The following MBD5 variants were observed in gnomAD, a reference collection of about 807,000 sequenced individuals.
MBD5 encodes methyl-CpG binding domain protein 5.
Under a neutral mutation model 117.3 loss-of-function variants are expected in MBD5, and 13 were observed. That is an observed-to-expected ratio of 0.11 (90% CI 0.07 to 0.18). MBD5 has a LOEUF of 0.18. Ranked by LOEUF, MBD5 falls within the 10% of genes least tolerant of loss-of-function variation. The probability of loss-of-function intolerance (pLI) is 1.00; values close to 1 mark genes in which losing one functional copy is unlikely to be tolerated. For missense variants in MBD5, 1,879 were observed against 2,093.8 expected, an observed-to-expected ratio of 0.90 and a Z score of 2.00; for synonymous variants, 727 against 766.4, an observed-to-expected ratio of 0.95 and a Z score of 0.85.
At chr2:148,115,605 T>G (rs1251372640) in intron 1 of MBD5, among the ~76,000 whole-genome samples, 1 of 152,200 alleles carries the variant, frequency 6.6e-6, no homozygotes, top group East Asian at 1.9e-4. Flanking sequence ...TTTATGTTTT[T>G]TATTGATTAT....
At chr2:148,376,195 A>C (rs1703980388) in intron 4 of MBD5, among the ~76,000 whole-genome samples, 1 of 151,818 alleles carries the variant, frequency 6.6e-6, no homozygotes, top group Non-Finnish European at 1.5e-5. Flanking sequence ...ACTTTGTAAA[A>C]ATTTGTTAAG....
At chr2:148,101,370 G>T (rs958410856) in intron 1 of MBD5, among the ~76,000 whole-genome samples, 1 of 152,104 alleles carries the variant, frequency 6.6e-6, no homozygotes, top group Non-Finnish European at 1.5e-5. Flanking sequence ...GCTGAGGCAG[G>T]AGGATTGCTT....
At chr2:148,409,129 T>C (rs576080792) in intron 4 of MBD5, among the ~76,000 whole-genome samples, 5 of 152,220 alleles carry the variant, frequency 3.3e-5, no homozygotes, top group African/African-American at 1.2e-4. Context: ...CTCATGGCTA[T>C]AATCCTAGCA....
intron 1 of MBD5, among the ~76,000 whole-genome samples, chr2:148,076,011 C>T (rs576562516): frequency 2.0e-5 from 3 of 152,202 alleles, no homozygotes; most frequent in South Asian, 4.1e-4. Flanking sequence ...TTGTAAATAA[C>T]GTCTGTATAG....
intron 11 of MBD5, among the ~76,000 whole-genome samples, chr2:148,494,125 T>G (rs1462136841): frequency 1.3e-5 from 2 of 152,242 alleles, no homozygotes; most frequent in African/African-American, 4.8e-5. Flanking sequence ...ACAGTCTTAT[T>G]AATTTAGATT....
intron 3 of MBD5, among the ~76,000 whole-genome samples, chr2:148,291,519 A>T (rs1701500449): frequency 1.3e-5 from 2 of 152,202 alleles, no homozygotes; most frequent in Admixed American, 6.5e-5. Context: ...TAGAGAAAAT[A>T]ACCAATTTTT....
At chr2:148,272,336 A>C (rs181763473) in intron 3 of MBD5, among the ~76,000 whole-genome samples, 28 of 152,256 alleles carry the variant, frequency 1.8e-4, no homozygotes, top group African/African-American at 6.3e-4. Context: ...TTCTGTTTTT[A>C]AGTTTTTTGA....
intron 3 of MBD5, among the ~76,000 whole-genome samples, chr2:148,291,957 C>T (rs71413612): frequency 0.058 from 8,795 of 152,146 alleles, 344 homozygotes; most frequent in Non-Finnish European, 0.082. Flanking sequence ...CAGAAGCATA[C>T]GCTGAGGGAA....
intron 2 of MBD5, among the ~76,000 whole-genome samples, chr2:148,185,504 A>C (rs1173466258): frequency 6.6e-6 from 1 of 152,208 alleles, no homozygotes; most frequent in Admixed American, 6.5e-5. Context: ...TTTAATCATG[A>C]TATTGGAAAA....
rs1693703034 is a variant in MBD5 at position 148,021,277 on chromosome 2, G to C, written c.-1332G>C. ...CCCCCACCCTCCAGCCCTGAGCCCT[G>C]AGAGGGGGATTGAGCCTGAGAGAGG... On this transcript the variant is annotated 5_prime_UTR_variant, in exon 1 of 14. Transcript: ENST00000642680. The C allele has an allele frequency of 2.8e-6, 1 of 355,870 alleles. No individual in the cohort carries two copies. Among genetic ancestry groups the C allele is most frequent in the Non-Finnish European group, 5.6e-6 (1 of 179,982 alleles). The allele number at this position is 355,870 out of a possible 1,614,324, so 22.0% of individuals were successfully genotyped here.
intron 4 of MBD5, among the ~76,000 whole-genome samples, chr2:148,368,527 A>G (rs1320863482): frequency 1.3e-5 from 2 of 152,168 alleles, no homozygotes; most frequent in Non-Finnish European, 2.9e-5. Context: ...TAAAAAGAGC[A>G]TCAAAATGTG....
At chr2:148,507,414 A>G (rs531289302) in intron 12 of MBD5, among the ~76,000 whole-genome samples, 1 of 152,354 alleles carries the variant, frequency 6.6e-6, no homozygotes, top group Non-Finnish European at 1.5e-5. Flanking sequence ...CATAATACCT[A>G]TTCCATCAAA....
chr2:148,453,652 G>A (rs896338183), intron 4 of MBD5, among the ~76,000 whole-genome samples: 1 of 151,880 alleles, frequency 6.6e-6, no homozygotes, highest in African/African-American at 2.4e-5. Context: ...TGTGAAATAG[G>A]TACTTCTAAA....
intron 2 of MBD5, among the ~76,000 whole-genome samples, chr2:148,225,643 G>A (rs1401227571): frequency 6.6e-6 from 1 of 152,094 alleles, no homozygotes; most frequent in East Asian, 1.9e-4. Context: ...GAAAGTTCTG[G>A]TGTTGATAAA....
chr2:148,483,479 C>T lies in MBD5; in HGVS notation c.2888C>T (p.Pro963Leu), dbSNP rs1008816361. ...CTCCACCCTTTAGGTTTTCTCAACCCGAATGTAAACGCTGCTTTAGCTTTT... is the reference window on the plus strand; with the variant it reads ...CTCCACCCTTTAGGTTTTCTCAACCTGAATGTAAACGCTGCTTTAGCTTTT... The part of the protein sequence containing the change: ...INLHPLGFLN[P>L]NVNAALAFLS... The change falls in exon 9 of 14, where the codon CCG becomes CTG. Residue 963 changes from proline (P) to leucine (L), a missense_variant. This residue lies in a region of MBD5 where 1,666 missense variants were observed against 1,792.2 expected (regional missense o/e 0.93). Transcript: ENST00000642680. 1 of 1,613,724 alleles carries T rather than the reference C, an allele frequency of 6.2e-7. No homozygotes were observed. Among genetic ancestry groups the T allele is most frequent in the East Asian group, 2.2e-5 (1 of 44,882 alleles).
At chr2:148,184,942 CTATT>C in intron 2 of MBD5, among the ~76,000 whole-genome samples, 1 of 152,254 alleles carries the variant, frequency 6.6e-6, no homozygotes, top group Non-Finnish European at 1.5e-5. Context: ...GCAGCCAAAG[CTATT>C]TATTGTAATT....
intron 11 of MBD5, among the ~76,000 whole-genome samples, chr2:148,496,737 A>G (rs1212732853): frequency 6.6e-6 from 1 of 152,224 alleles, no homozygotes; most frequent in African/African-American, 2.4e-5. Flanking sequence ...CCAGTGCTTA[A>G]AAACACTGCT....
intron 4 of MBD5, among the ~76,000 whole-genome samples, chr2:148,432,312 A>G (rs1706015126): frequency 6.6e-6 from 1 of 152,084 alleles, no homozygotes; most frequent in Admixed American, 6.6e-5. Flanking sequence ...CCCATTCTGT[A>G]GATTGTCTCT....
rs543026160 is a variant in MBD5 at position 148,198,940 on chromosome 2, A to ATATG, written c.-831+20157_-831+20160dup. On this transcript the variant is annotated intron_variant, in intron 2 of 13. Coordinates refer to ENST00000642680, the MANE Select transcript of MBD5 (RefSeq NM_001378120.1). Reference sequence around the variant, plus strand: ...GGAATATATATATGTATGTATGTGTATATGTATGTATGTGTATATGTATAT... The same window carrying ATATG: ...GGAATATATATATGTATGTATGTGTATATGTATGTATGTATGTGTATATGTATAT... Among the ~76,000 whole-genome samples the ATATG allele has an allele frequency of 7.3e-3, 1,112 of 151,786 alleles. 10 individuals carry two copies. The highest frequency in any genetic ancestry group is 0.025 in the African/African-American group (1,038 of 41,424).
Sources: gnomAD v4.1 joint callset for allele counts (sites outside exome capture counted in the v4.1 genomes callset) on GRCh38, gnomAD v4.1.1 for gene constraint, gnomAD v4.1.1 regional missense constraint, MANE v1.5 for transcripts, NCBI Gene and HGNC (gene_info 2026-07-23, HGNC 2026-07-21) for gene names.